VWA8: variants seen among roughly 807,000 people sequenced by gnomAD.
VWA8 encodes von Willebrand factor A domain-containing protein 8.
Under a neutral mutation model 241.5 loss-of-function variants are expected in VWA8, and 221 were observed. The ratio of observed to expected loss-of-function variants is 0.91; its 90% CI spans 0.82 to 1.02. The LOEUF (loss-of-function observed/expected upper bound fraction) is 1.02. Among genes scored for constraint, VWA8 ranks in the 50% least tolerant of loss-of-function variants. The pLI is 0.00. For synonymous variants in VWA8, 852 were observed against 827.1 expected, an observed-to-expected ratio of 1.03 and a Z score of -0.52; for missense variants, 2,322 against 2,328.7, an observed-to-expected ratio of 1.00 and a Z score of 0.06.
chr13:41,756,158 A>G (rs1038584168), intron 21 of VWA8, among the ~76,000 whole-genome samples: 2 of 151,824 alleles, frequency 1.3e-5, no homozygotes, highest in South Asian at 2.1e-4. Flanking sequence ...TCATAAGATG[A>G]TATTCTAAAT....
At chr13:41,814,862 G>GA (rs1199622261) in intron 16 of VWA8, among the ~76,000 whole-genome samples, 3 of 151,906 alleles carry the variant, frequency 2.0e-5, no homozygotes, top group Admixed American at 6.6e-5. Flanking sequence ...AGGGAACAAA[G>GA]AAAAAACCCC....
At chr13:41,621,189 G>A (rs1280306046) in intron 37 of VWA8, among the ~76,000 whole-genome samples, 2 of 152,060 alleles carry the variant, frequency 1.3e-5, no homozygotes, top group Non-Finnish European at 2.9e-5. Context: ...TATTTAATAA[G>A]TTATATGAGA....
rs116739697 is a variant in VWA8 at position 41,920,053 on chromosome 13, C to A, written c.242-7885G>T. On this transcript the variant is annotated intron_variant, in intron 2 of 44. Coordinates refer to ENST00000379310, the MANE Select transcript of VWA8 (RefSeq NM_015058.2). ...CAGTAGACTGAGGCTGTACTGCTCC[C>A]TGTCCCCTGGGCCGTATCTGTGCCT... is the stretch of plus-strand genomic sequence containing the variant. Among the ~76,000 whole-genome samples the A allele has an allele frequency of 1.7e-3, 255 of 152,330 alleles. 2 individuals carry two copies. Among genetic ancestry groups the A allele is most frequent in the African/African-American group, 5.6e-3 (234 of 41,566 alleles).
At chr13:41,588,230 C>T (rs565976162) in intron 41 of VWA8, among the ~76,000 whole-genome samples, 1 of 152,302 alleles carries the variant, frequency 6.6e-6, no homozygotes, top group East Asian at 1.9e-4. Context: ...TTTGTGTTTA[C>T]TAAGCTGCAC....
chr13:41,835,353 C>T (rs1255201544), intron 12 of VWA8, among the ~76,000 whole-genome samples: 1 of 152,178 alleles, frequency 6.6e-6, no homozygotes, highest in East Asian at 1.9e-4. Context: ...TCAGCAACTT[C>T]CCATAAACTT....
chr13:41,879,554 C>T (rs1224732791), intron 9 of VWA8, among the ~76,000 whole-genome samples: 1 of 151,960 alleles, frequency 6.6e-6, no homozygotes, highest in Non-Finnish European at 1.5e-5. Flanking sequence ...AACTACACCT[C>T]TCTTCTCATT....
At chr13:41,818,178 G>A (rs1870782118) in intron 15 of VWA8, among the ~76,000 whole-genome samples, 1 of 151,628 alleles carries the variant, frequency 6.6e-6, no homozygotes, top group African/African-American at 2.4e-5. Flanking sequence ...GGCCAGCCTG[G>A]TCTCGAACTC....
intron 2 of VWA8, among the ~76,000 whole-genome samples, chr13:41,924,871 C>T (rs1256423339): frequency 6.6e-6 from 1 of 152,036 alleles, no homozygotes; most frequent in Non-Finnish European, 1.5e-5. Context: ...ATTAACTCAT[C>T]ATTTCCCAAG....
At position 41,816,732 on chromosome 13, in the gene VWA8, A is replaced by G; in HGVS notation, c.1913T>C (p.Phe638Ser). ...PQEALDKLLS[F>S]THKLRETQDP... ...CTGTGTTTCTCTGAGTTTGTGTGTAAATGATAATAACTTATCCAGAGCTTC... is the reference window on the plus strand; with the variant it reads ...CTGTGTTTCTCTGAGTTTGTGTGTAGATGATAATAACTTATCCAGAGCTTC... Residue 638 changes from phenylalanine to serine, a missense_variant, in exon 16 of 45, where the codon TTT becomes TCT. Transcript: ENST00000379310. The G allele has an allele frequency of 6.2e-7, 1 of 1,613,736 alleles. No individual in the cohort carries two copies. Among genetic ancestry groups the G allele is most frequent in the Non-Finnish European group, 8.5e-7 (1 of 1,179,804 alleles).
intron 2 of VWA8, among the ~76,000 whole-genome samples, chr13:41,912,388 T>G (rs1377808285): frequency 6.6e-6 from 1 of 152,082 alleles, no homozygotes; most frequent in African/African-American, 2.4e-5. Flanking sequence ...AGTTTTACAA[T>G]AAAACCATTA....
At chr13:41,596,845 A>C (rs2044491913) in intron 40 of VWA8, among the ~76,000 whole-genome samples, 1 of 151,332 alleles carries the variant, frequency 6.6e-6, no homozygotes, top group African/African-American at 2.4e-5. Flanking sequence ...CTGTAGCACT[A>C]AAGACAGAAT....
intron 32 of VWA8, among the ~76,000 whole-genome samples, chr13:41,690,848 T>C (rs187608794): frequency 6.3e-4 from 96 of 152,166 alleles, no homozygotes; most frequent in Non-Finnish European, 6.8e-4. Context: ...AACTGCACAG[T>C]CCAATGGGTC....
chr13:41,925,439 A>G (rs993117826), intron 2 of VWA8, among the ~76,000 whole-genome samples: 1 of 152,252 alleles, frequency 6.6e-6, no homozygotes, highest in East Asian at 1.9e-4. Context: ...AAAAATAACT[A>G]AAGCTAAAAT....
intron 26 of VWA8, among the ~76,000 whole-genome samples, chr13:41,709,571 A>C (rs978213902): frequency 1.3e-5 from 2 of 152,228 alleles, no homozygotes; most frequent in Admixed American, 1.3e-4. Context: ...AAGGGCCTCT[A>C]ATTTCCAAAA....
intron 37 of VWA8, among the ~76,000 whole-genome samples, chr13:41,639,669 T>A (rs1300040515): frequency 1.3e-5 from 2 of 152,168 alleles, no homozygotes; most frequent in African/African-American, 2.4e-5. Context: ...TGAGGAAGAC[T>A]CTCACGGCAT....
chr13:41,758,084 A>G (rs2045706709), intron 21 of VWA8, among the ~76,000 whole-genome samples: 1 of 151,232 alleles, frequency 6.6e-6, no homozygotes, highest in South Asian at 2.1e-4. Flanking sequence ...GAGGATACTG[A>G]GGGGGATGTT....
intron 14 of VWA8, among the ~76,000 whole-genome samples, chr13:41,823,215 G>C (rs10507499): frequency 6.6e-6 from 1 of 151,896 alleles, no homozygotes; most frequent in Non-Finnish European, 1.5e-5. Flanking sequence ...CTTCAAATAC[G>C]GGTAAGAGTT....
At position 41,703,379 on chromosome 13, in the gene VWA8, T is replaced by A. The variant is rs1390503342; in HGVS notation, c.3149A>T (p.Tyr1050Phe). Residue 1050 changes from tyrosine to phenylalanine, a missense_variant, in exon 27 of 45, where the codon TAC becomes TTC. Coordinates refer to ENST00000379310, the MANE Select transcript of VWA8 (RefSeq NM_015058.2). ...ACTTCTTGCCTGACCAATTGTCCAG[T>A]AGCCCATGAACGTTTGTTCTGGCAG... is the stretch of plus-strand genomic sequence containing the variant. The part of the protein sequence containing the change: ...LTLPEQTFMG[Y>F]WTIGQARSGM... 6.2e-7 allele frequency: 1 copy of A among 1,614,012 alleles called. No homozygotes were observed. The highest frequency in any genetic ancestry group is 1.7e-5 in the Admixed American group (1 of 60,012).
chr13:41,846,166 G>A (rs1223735994), intron 12 of VWA8, among the ~76,000 whole-genome samples: 1 of 151,860 alleles, frequency 6.6e-6, no homozygotes, highest in Non-Finnish European at 1.5e-5. Flanking sequence ...CGCCCAAGTA[G>A]GTGGGAATAC....
Sources: gnomAD v4.1 joint callset for allele counts (sites outside exome capture counted in the v4.1 genomes callset) on GRCh38, gnomAD v4.1.1 for gene constraint, MANE v1.5 for transcripts, NCBI Gene and HGNC (gene_info 2026-07-23, HGNC 2026-07-21) for gene names.